DSCAM: variants seen among roughly 807,000 people sequenced by gnomAD.
DSCAM encodes the protein DS cell adhesion molecule, also known as cell adhesion molecule DSCAM.
Under a neutral mutation model 217.7 loss-of-function variants are expected in DSCAM, and 47 were observed. That is an observed-to-expected ratio of 0.22 (90% confidence interval 0.17 to 0.28). The LOEUF (loss-of-function observed/expected upper bound fraction) is 0.28, where lower values mean the gene tolerates loss of function less well. Among genes scored for constraint, DSCAM ranks in the 10% least tolerant of loss-of-function variants. DSCAM has a pLI of 1.00. For synonymous variants in DSCAM, 1,056 were observed against 1,015.3 expected (o/e 1.04, Z -0.76); for missense variants, 2,080 against 2,618.3 (o/e 0.79, Z 4.49).
rs58060649 is a variant in DSCAM at position 40,702,669 on chromosome 21, A to ATT, written c.361+5783_361+5784dup. ...TTTATCATTTTGCTATTTGATATGT[A>ATT]TTTTTTTTTTACCGTGTTTCCTTTT... On this transcript the variant is annotated intron_variant, in intron 2 of 32. Transcript: ENST00000400454. Among the ~76,000 whole-genome samples, 1,314 of 148,692 alleles carry ATT rather than the reference A, an allele frequency of 8.8e-3. 11 individuals carry two copies. The highest frequency in any genetic ancestry group is 0.017 in the Admixed American group (251 of 14,926).
At chr21:40,766,179 C>T (rs1011376352) in intron 1 of DSCAM, among the ~76,000 whole-genome samples, 1 of 152,116 alleles carries the variant, frequency 6.6e-6, no homozygotes, top group Admixed American at 6.6e-5. Flanking sequence ...ATTAAATCTA[C>T]GGTGGGAAAG....
At chr21:40,583,861 C>T (rs117868113) in intron 3 of DSCAM, among the ~76,000 whole-genome samples, 2,193 of 146,340 alleles carry the variant, frequency 0.015, 24 homozygotes, top group East Asian at 0.038. Context: ...ACCTTCCACT[C>T]GGTTTTGCTG....
intron 3 of DSCAM, among the ~76,000 whole-genome samples, chr21:40,580,131 G>C (rs1287768921): frequency 6.6e-6 from 1 of 151,414 alleles, no homozygotes. Flanking sequence ...GCCCAAGCTG[G>C]AGTGCAGTGG....
intron 3 of DSCAM, among the ~76,000 whole-genome samples, chr21:40,489,297 A>C (rs2076055263): frequency 6.6e-6 from 1 of 152,124 alleles, no homozygotes; most frequent in Non-Finnish European, 1.5e-5. Context: ...AAGCAAAATA[A>C]TTCTTCTGCT....
At chr21:40,343,896 A>ATTTAT (rs919471506) in intron 6 of DSCAM, among the ~76,000 whole-genome samples, 2 of 134,462 alleles carry the variant, frequency 1.5e-5, no homozygotes, top group Non-Finnish European at 3.2e-5. Flanking sequence ...ATTTCATTTT[A>ATTTAT]TTTATTTTAT....
chr21:40,398,622 CTTTCT>C, intron 3 of DSCAM, among the ~76,000 whole-genome samples: 1 of 149,170 alleles, frequency 6.7e-6, no homozygotes, highest in Middle Eastern at 3.4e-3. Context: ...AGTTTCTTTC[CTTTCT>C]TTTTTCTTTC....
chr21:40,473,025 G>A (rs1368756544), intron 3 of DSCAM, among the ~76,000 whole-genome samples: 4 of 152,140 alleles, frequency 2.6e-5, no homozygotes, highest in South Asian at 2.1e-4. Context: ...CGGTCCATAC[G>A]GGGCACGGAT....
chr21:40,077,130 T>G (rs1487632656), intron 26 of DSCAM, among the ~76,000 whole-genome samples: 1 of 152,046 alleles, frequency 6.6e-6, no homozygotes, highest in Non-Finnish European at 1.5e-5. Context: ...AGAGAAAAGT[T>G]GTCGTCTGGG....
intron 3 of DSCAM, among the ~76,000 whole-genome samples, chr21:40,616,730 G>C (rs1404596840): frequency 6.6e-6 from 1 of 152,084 alleles, no homozygotes; most frequent in African/African-American, 2.4e-5. Flanking sequence ...CTTAAGAATG[G>C]TTATTGGCCG....
In DSCAM at chr21:40,708,592, C is replaced by T. The variant is rs761258332; in HGVS notation, c.223G>A (p.Val75Ile). The change falls in exon 2 of 33, where the codon GTC becomes ATC. Residue 75 changes from valine to isoleucine, a missense_variant. Val to Ile is a conservative substitution (Grantham distance 29). Around this residue, in one of 5 missense-constraint regions of DSCAM, gnomAD observed 568 missense variants for 678.1 expected, o/e 0.84. Coordinates refer to ENST00000400454, the MANE Select transcript of DSCAM (RefSeq NM_001389.5). ...EIYDVPGIRHVHPNGTLQIFP... is the reference protein window; with the variant it reads ...EIYDVPGIRHIHPNGTLQIFP... The stretch of plus-strand genomic sequence containing the variant: ...ATTTGGAGAGTGCCGTTGGGGTGGA[C>T]GTGGCGGATCCCGGGGACATCGTAG... The T allele has an allele frequency of 9.9e-6, 16 of 1,610,342 alleles. No individual in the cohort carries two copies. Among genetic ancestry groups the T allele is most frequent in the Non-Finnish European group, 1.4e-5 (16 of 1,178,250 alleles).
intron 11 of DSCAM, among the ~76,000 whole-genome samples, chr21:40,211,120 C>T (rs1162337970): frequency 6.6e-6 from 1 of 152,192 alleles, no homozygotes; most frequent in East Asian, 1.9e-4. Context: ...ATAAAGATAA[C>T]TTTTTGAAGT....
At chr21:40,081,950 C>T (rs1601311739) in intron 24 of DSCAM, among the ~76,000 whole-genome samples, 1 of 152,210 alleles carries the variant, frequency 6.6e-6, no homozygotes, top group African/African-American at 2.4e-5. Context: ...AGAATCCAAG[C>T]CTCATTTCAT....
intron 3 of DSCAM, among the ~76,000 whole-genome samples, chr21:40,448,609 T>C (rs980432263): frequency 6.6e-6 from 1 of 152,060 alleles, no homozygotes; most frequent in Non-Finnish European, 1.5e-5. Flanking sequence ...AAATCAATAA[T>C]AAATCAATAA....
At chr21:40,523,363 A>G (rs1182400708) in intron 3 of DSCAM, among the ~76,000 whole-genome samples, 2 of 152,144 alleles carry the variant, frequency 1.3e-5, no homozygotes, top group African/African-American at 4.8e-5. Context: ...CACGCACACA[A>G]GCAGCTGGAT....
intron 11 of DSCAM, among the ~76,000 whole-genome samples, chr21:40,264,526 T>A (rs2073496545): frequency 1.3e-5 from 2 of 151,968 alleles, no homozygotes; most frequent in South Asian, 4.1e-4. Flanking sequence ...ATAAAAACTC[T>A]CAACACACTA....
At chr21:40,781,553 C>T (rs907684160) in intron 1 of DSCAM, among the ~76,000 whole-genome samples, 6 of 152,114 alleles carry the variant, frequency 3.9e-5, no homozygotes, top group Admixed American at 2.0e-4. Context: ...AAGTATACAA[C>T]CTTTTTTTAT....
chr21:40,469,945 A>G (rs2075874830), intron 3 of DSCAM, among the ~76,000 whole-genome samples: 1 of 152,234 alleles, frequency 6.6e-6, no homozygotes, highest in Non-Finnish European at 1.5e-5. Flanking sequence ...CGGTTTTAGA[A>G]TAATGTAATC....
intron 3 of DSCAM, among the ~76,000 whole-genome samples, chr21:40,485,586 C>T (rs924324338): frequency 6.6e-6 from 1 of 151,788 alleles, no homozygotes; most frequent in African/African-American, 2.4e-5. Flanking sequence ...ATACAGAAGG[C>T]TAATCATCAG....
chr21:40,101,458 T>A (rs1025511523), intron 20 of DSCAM, among the ~76,000 whole-genome samples: 2 of 59,304 alleles, frequency 3.4e-5, no homozygotes, highest in African/African-American at 4.4e-4. Flanking sequence ...GGAAGACAGT[T>A]TTTTTTTTCA....
Sources: gnomAD v4.1 joint callset for allele counts (sites outside exome capture counted in the v4.1 genomes callset) on GRCh38, gnomAD v4.1.1 for gene constraint, gnomAD v4.1.1 regional missense constraint, MANE v1.5 for transcripts, NCBI Gene and HGNC (gene_info 2026-07-23, HGNC 2026-07-21) for gene names.